The following SH3GL2 variants were observed in gnomAD, a reference collection of about 807,000 sequenced individuals.
The protein encoded by SH3GL2 is endophilin-A1.
A neutral mutation model predicts 46.0 loss-of-function variants in SH3GL2; 24 were observed. The observed-to-expected ratio is 0.52, with a 90% CI of 0.38 to 0.73. The LOEUF is 0.73. SH3GL2 is among the 30% of genes least tolerant of loss of function. The probability of loss-of-function intolerance (pLI) is 0.00; values close to 1 mark genes in which losing one functional copy is unlikely to be tolerated. For missense variants in SH3GL2, 413 were observed against 424.2 expected, an observed-to-expected ratio of 0.97 and a Z score of 0.23; for synonymous variants, 196 against 147.1, an observed-to-expected ratio of 1.33 and a Z score of -2.40.
intron 1 of SH3GL2, among the ~76,000 whole-genome samples, chr9:17,582,552 A>G (rs554988910): frequency 3.5e-4 from 54 of 152,360 alleles, no homozygotes; most frequent in Non-Finnish European, 6.8e-4. Context: ...ATTTTTAAAA[A>G]TTCACTCTAT....
chr9:17,718,070 C>G (rs1821803860), intron 1 of SH3GL2, among the ~76,000 whole-genome samples: 1 of 152,106 alleles, frequency 6.6e-6, no homozygotes, highest in Non-Finnish European at 1.5e-5. Flanking sequence ...GAATTCAAAT[C>G]TTGTAAGCTA....
intron 1 of SH3GL2, among the ~76,000 whole-genome samples, chr9:17,726,917 A>G (rs1379386479): frequency 5.9e-5 from 9 of 152,174 alleles, no homozygotes; most frequent in Non-Finnish European, 1.0e-4. Context: ...GTTGAATATT[A>G]TATAGTCACA....
intron 2 of SH3GL2, among the ~76,000 whole-genome samples, chr9:17,758,388 C>G (rs1335279495): frequency 6.6e-6 from 1 of 151,480 alleles, no homozygotes; most frequent in East Asian, 2.0e-4. Flanking sequence ...TGGCAAAACC[C>G]CGTCTCTACC....
intron 8 of SH3GL2, among the ~76,000 whole-genome samples, chr9:17,793,746 A>G (rs947194240): frequency 2.6e-5 from 4 of 151,964 alleles, no homozygotes; most frequent in African/African-American, 4.8e-5. Flanking sequence ...TTCTCTGTCA[A>G]TCATCAGCAC....
chr9:17,672,846 C>A (rs1483256184), intron 1 of SH3GL2, among the ~76,000 whole-genome samples: 1 of 152,138 alleles, frequency 6.6e-6, no homozygotes, highest in East Asian at 1.9e-4. Flanking sequence ...GAATGACTTC[C>A]AAATGCATAC....
chr9:17,793,103 G>T (rs1046927272), intron 7 of SH3GL2, among the ~76,000 whole-genome samples: 1 of 152,142 alleles, frequency 6.6e-6, no homozygotes, highest in African/African-American at 2.4e-5. Context: ...TGCGTATTTG[G>T]ATAAAGGACT....
chr9:17,742,210 A>G (rs1822547265), intron 1 of SH3GL2, among the ~76,000 whole-genome samples: 1 of 152,184 alleles, frequency 6.6e-6, no homozygotes, highest in Non-Finnish European at 1.5e-5. Context: ...GCTCTTAAGC[A>G]TTTAGTAAAT....
At chr9:17,775,871 C>G (rs999225199) in intron 3 of SH3GL2, among the ~76,000 whole-genome samples, 12 of 152,260 alleles carry the variant, frequency 7.9e-5, no homozygotes, top group African/African-American at 2.9e-4. Flanking sequence ...TCAACTCACA[C>G]CAAGGGTGGG....
At chr9:17,622,976 G>GTTCC (rs1819179220) in intron 1 of SH3GL2, among the ~76,000 whole-genome samples, 4 of 78,708 alleles carry the variant, frequency 5.1e-5, no homozygotes, top group Admixed American at 1.4e-4. Flanking sequence ...TTTTCCTTTC[G>GTTCC]TTTCCTTTCG....
At chr9:17,777,334 GT>G (rs200923147) in intron 3 of SH3GL2, among the ~76,000 whole-genome samples, 5,420 of 152,144 alleles carry the variant, frequency 0.036, 179 homozygotes, top group African/African-American at 0.09. Flanking sequence ...TGAAAATTAT[GT>G]AATAATTGGT....
At chr9:17,660,894 G>T (rs1820196000) in intron 1 of SH3GL2, among the ~76,000 whole-genome samples, 1 of 152,176 alleles carries the variant, frequency 6.6e-6, no homozygotes, top group Non-Finnish European at 1.5e-5. Flanking sequence ...GGGCACAGTG[G>T]CTCACGCCTG....
chr9:17,637,380 A>T (rs573223854), intron 1 of SH3GL2, among the ~76,000 whole-genome samples: 74 of 152,216 alleles, frequency 4.9e-4, no homozygotes, highest in Non-Finnish European at 9.1e-4. Context: ...AACTCTGGGG[A>T]CATTGAATTC....
At chr9:17,714,280 A>G (rs999230101) in intron 1 of SH3GL2, among the ~76,000 whole-genome samples, 3 of 151,696 alleles carry the variant, frequency 2.0e-5, no homozygotes, top group African/African-American at 7.3e-5. Context: ...TAGTAAGCAA[A>G]TATCGTTGGG....
At chr9:17,749,273 A>G (rs181683500) in intron 2 of SH3GL2, among the ~76,000 whole-genome samples, 102 of 152,292 alleles carry the variant, frequency 6.7e-4, no homozygotes, top group Non-Finnish European at 1.1e-3. Flanking sequence ...TTCATCTTCT[A>G]CGGCATCTGA....
chr9:17,754,899 G>A (rs960280968), intron 2 of SH3GL2, among the ~76,000 whole-genome samples: 7 of 152,068 alleles, frequency 4.6e-5, no homozygotes, highest in Admixed American at 1.3e-4. Flanking sequence ...AGACTGTGGG[G>A]TTTTCTGGAC....
At chr9:17,715,114 G>A (rs77166522) in intron 1 of SH3GL2, among the ~76,000 whole-genome samples, 4,696 of 149,442 alleles carry the variant, frequency 0.031, 243 homozygotes, top group African/African-American at 0.11. Context: ...TATATAATAT[G>A]TCTTTTTTTC....
In SH3GL2 at chr9:17,766,747, T is replaced by C. The variant is rs1175805297; in HGVS notation, c.187+5238T>C. 3.9e-5 allele frequency among the ~76,000 whole-genome samples: 6 copies of C among 152,338 alleles called. No individual in the cohort carries two copies. The East Asian group carries it at 1.2e-3, about 29-fold the overall frequency. ...CACATTTCAATTTGGACTAGCCACA[T>C]TTCAGGTGCTCAGCAGCCCGCTGTG... On this transcript the variant is annotated intron_variant, in intron 3 of 8. Coordinates refer to ENST00000380607, the MANE Select transcript of SH3GL2 (RefSeq NM_003026.5).
At chr9:17,663,546 C>T (rs1029753669) in intron 1 of SH3GL2, among the ~76,000 whole-genome samples, 6 of 152,178 alleles carry the variant, frequency 3.9e-5, no homozygotes, top group Admixed American at 6.5e-5. Flanking sequence ...TATCAAAAAA[C>T]GTGACCACTC....
At chr9:17,790,442 G>T (rs2131191373) in intron 6 of SH3GL2, 1 of 983,656 alleles carries the variant, frequency 1.0e-6, no homozygotes, top group South Asian at 4.7e-5. Context: ...AACATATCCA[G>T]ACTTTCCTAC....
Sources: allele counts gnomAD v4.1 joint callset (sites outside exome capture counted in the v4.1 genomes callset), GRCh38; gene constraint gnomAD v4.1.1; transcripts MANE v1.5; gene names NCBI Gene and HGNC (gene_info 2026-07-23, HGNC 2026-07-21).